AKAP6: variants seen among roughly 807,000 people sequenced by gnomAD.
AKAP6 encodes the protein A-kinase anchor protein 6.
AKAP6 carries 58 observed loss-of-function variants against 188.5 expected under a neutral mutation model. The ratio of observed to expected loss-of-function variants is 0.31; its 90% confidence interval spans 0.25 to 0.38. The LOEUF (loss-of-function observed/expected upper bound fraction) is 0.38, where lower values mean the gene tolerates loss of function less well. AKAP6 is among the 10% of genes least tolerant of loss of function. AKAP6 has a pLI of 1.00. For synonymous variants in AKAP6, 989 were observed against 998.6 expected, an observed-to-expected ratio of 0.99 and a Z score of 0.18; for missense variants, 2,710 against 2,740.0, an observed-to-expected ratio of 0.99 and a Z score of 0.24.
At chr14:32,464,206 A>G (rs889840823) in intron 2 of AKAP6, among the ~76,000 whole-genome samples, 3 of 152,178 alleles carry the variant, frequency 2.0e-5, no homozygotes, top group African/African-American at 7.2e-5. Context: ...ACTATTCCAA[A>G]CAATAGAAAA....
intron 4 of AKAP6, among the ~76,000 whole-genome samples, chr14:32,571,625 G>T (rs964604582): frequency 6.6e-6 from 1 of 152,162 alleles, no homozygotes; most frequent in Non-Finnish European, 1.5e-5. Context: ...CAGCTAACTC[G>T]ATCTAGACTG....
chr14:32,352,103 T>TTTG (rs71399640), intron 1 of AKAP6, among the ~76,000 whole-genome samples: 241 of 120,390 alleles, frequency 2.0e-3, no homozygotes, highest in African/African-American at 7.1e-3. Flanking sequence ...GTGTGTGTGT[T>TTTG]TGTGTGTGTG....
chr14:32,360,493 A>T (rs1169785850), intron 1 of AKAP6, among the ~76,000 whole-genome samples: 2 of 152,174 alleles, frequency 1.3e-5, no homozygotes, highest in African/African-American at 4.8e-5. Context: ...TGCCTGTAGC[A>T]ATCACCTGTT....
At chr14:32,715,115 CTG>C (rs1439318117) in intron 9 of AKAP6, among the ~76,000 whole-genome samples, 1 of 151,936 alleles carries the variant, frequency 6.6e-6, no homozygotes, top group East Asian at 1.9e-4. Context: ...ACCTTGCAAA[CTG>C]TACTAATTGG....
At chr14:32,450,422 C>G (rs1890900310) in intron 2 of AKAP6, among the ~76,000 whole-genome samples, 2 of 151,958 alleles carry the variant, frequency 1.3e-5, no homozygotes, top group African/African-American at 4.8e-5. Flanking sequence ...TGGTTTTGGT[C>G]ATTAAAACAC....
intron 9 of AKAP6, among the ~76,000 whole-genome samples, chr14:32,718,107 A>C (rs940987621): frequency 3.9e-5 from 6 of 152,158 alleles, no homozygotes; most frequent in Non-Finnish European, 8.8e-5. Flanking sequence ...TTACCAAGCT[A>C]AGCTGAAATT....
chr14:32,558,837 CT>C (rs1265204283), intron 4 of AKAP6, among the ~76,000 whole-genome samples: 4 of 152,148 alleles, frequency 2.6e-5, no homozygotes, highest in Admixed American at 2.6e-4. Context: ...CACCTTTCTT[CT>C]TATGGATACG....
intron 2 of AKAP6, among the ~76,000 whole-genome samples, chr14:32,443,468 A>G (rs1890658255): frequency 6.6e-6 from 1 of 152,114 alleles, no homozygotes; most frequent in Admixed American, 6.6e-5. Flanking sequence ...CATGTTCCAG[A>G]GCAGTCATGT....
chr14:32,572,937 G>A (rs1884555097), intron 4 of AKAP6, among the ~76,000 whole-genome samples: 1 of 152,128 alleles, frequency 6.6e-6, no homozygotes, highest in Non-Finnish European at 1.5e-5. Context: ...TTCTCCTGGG[G>A]GTTGAATCCT....
chr14:32,386,879 A>G (rs532280953), intron 1 of AKAP6, among the ~76,000 whole-genome samples: 1 of 151,688 alleles, frequency 6.6e-6, no homozygotes, highest in South Asian at 2.1e-4. Context: ...TCCCCACTTT[A>G]TGTTTTTGTT....
intron 7 of AKAP6, among the ~76,000 whole-genome samples, chr14:32,638,926 G>GGAA (rs1887639162): frequency 1.3e-5 from 2 of 151,902 alleles, no homozygotes; most frequent in Non-Finnish European, 2.9e-5. Context: ...GAAGTATAGG[G>GGAA]GAAAAACAAA....
intron 9 of AKAP6, among the ~76,000 whole-genome samples, chr14:32,719,948 C>CTTTTT (rs1160413308): frequency 1.3e-5 from 2 of 152,034 alleles, no homozygotes; most frequent in Non-Finnish European, 2.9e-5. Context: ...CCTCCTAATG[C>CTTTTT]TAAAAATAAA....
intron 9 of AKAP6, among the ~76,000 whole-genome samples, chr14:32,715,600 A>G (rs1230944943): frequency 6.6e-6 from 1 of 152,022 alleles, no homozygotes; most frequent in Non-Finnish European, 1.5e-5. Flanking sequence ...AGATAGATGC[A>G]TTGCAAAATA....
At chr14:32,565,044 C>T (rs1884124608) in intron 4 of AKAP6, among the ~76,000 whole-genome samples, 2 of 152,118 alleles carry the variant, frequency 1.3e-5, no homozygotes, top group East Asian at 1.9e-4. Flanking sequence ...AAGTTGAGTG[C>T]ATTGCATTCT....
At chr14:32,708,088 G>C (rs769632113) in intron 9 of AKAP6, among the ~76,000 whole-genome samples, 20 of 152,056 alleles carry the variant, frequency 1.3e-4, no homozygotes, top group Non-Finnish European at 1.0e-4. Flanking sequence ...ATACGGGTAT[G>C]ATTATTTATA....
chr14:32,426,380 C>T (rs1890032363), intron 1 of AKAP6, among the ~76,000 whole-genome samples: 1 of 152,048 alleles, frequency 6.6e-6, no homozygotes, highest in Admixed American at 6.6e-5. Flanking sequence ...TATGAAGAGT[C>T]ACATATACAT....
At chr14:32,620,474 CT>C (rs1354570929) in intron 7 of AKAP6, among the ~76,000 whole-genome samples, 1 of 151,922 alleles carries the variant, frequency 6.6e-6, no homozygotes, top group Non-Finnish European at 1.5e-5. Flanking sequence ...CATTTATCGA[CT>C]TGTGTATGTT....
At chr14:32,499,096 A>G (rs187010240) in intron 2 of AKAP6, among the ~76,000 whole-genome samples, 15 of 152,164 alleles carry the variant, frequency 9.9e-5, no homozygotes, top group Admixed American at 3.3e-4. Context: ...TGCCCCTGGT[A>G]CCATGGAGGA....
chr14:32,730,895 A>G (rs2031143028), intron 9 of AKAP6, among the ~76,000 whole-genome samples: 1 of 152,180 alleles, frequency 6.6e-6, no homozygotes, highest in African/African-American at 2.4e-5. Flanking sequence ...AGAAAATTCA[A>G]GTGGACAGTG....
Sources: allele counts gnomAD v4.1 joint callset (sites outside exome capture counted in the v4.1 genomes callset), GRCh38; gene constraint gnomAD v4.1.1; transcripts MANE v1.5; gene names NCBI Gene and HGNC (gene_info 2026-07-23, HGNC 2026-07-21).